Variants in AP4E1 observed in about 807,000 individuals in gnomAD.
AP4E1 encodes the protein adaptor related protein complex 4 subunit epsilon 1, also known as AP-4 complex subunit epsilon-1.
A neutral mutation model predicts 128.2 loss-of-function variants in AP4E1; 56 were observed. The ratio of observed to expected loss-of-function variants is 0.44; its 90% CI spans 0.35 to 0.55. The LOEUF is 0.55. Ranked by LOEUF, AP4E1 falls within the 20% of genes least tolerant of loss-of-function variation. The probability of loss-of-function intolerance (pLI) is 0.00; values close to 1 mark genes in which losing one functional copy is unlikely to be tolerated. For missense variants in AP4E1, 1,324 were observed against 1,307.7 expected (o/e 1.01, Z -0.19); for synonymous variants, 484 against 473.1 (o/e 1.02, Z -0.30).
chr15:50,970,442 G>A (rs1327718907), intron 15 of AP4E1, among the ~76,000 whole-genome samples: 1 of 152,122 alleles, frequency 6.6e-6, no homozygotes, highest in Non-Finnish European at 1.5e-5. Flanking sequence ...TAGATAATTC[G>A]TTCAATACTG....
Position 50,999,504 on chromosome 15 carries a change from G to T in AP4E1, c.3095+242G>T, listed in dbSNP as rs566375538. On this transcript the variant is annotated intron_variant, in intron 19 of 20. Coordinates refer to ENST00000261842, the MANE Select transcript of AP4E1 (RefSeq NM_007347.5). ...AAGTGTTACAATGAGGGATTATAAT[G>T]AGAGACCTGATTTAGGTTGGAGTTG... is the stretch of plus-strand genomic sequence containing the variant. Among the ~76,000 whole-genome samples the T allele has an allele frequency of 7.2e-5, 11 of 152,286 alleles. No individual in the cohort carries two copies. In the East Asian group the frequency reaches 2.1e-3, roughly 29 times the overall value.
chr15:50,918,302 T>C (rs2063653994), intron 3 of AP4E1, among the ~76,000 whole-genome samples: 2 of 152,142 alleles, frequency 1.3e-5, no homozygotes. Flanking sequence ...TGTTTAAATA[T>C]TGCATGGGTA....
In AP4E1 at chr15:50,995,483, C is replaced by T. The variant is rs188846846; in HGVS notation, c.2347-1843C>T. Among the ~76,000 whole-genome samples, 68 of 151,452 alleles carry T rather than the reference C, an allele frequency of 4.5e-4. 1 individual carries two copies. Among genetic ancestry groups the T allele is most frequent in the African/African-American group, 1.5e-3 (63 of 41,290 alleles). On this transcript the variant is annotated intron_variant, in intron 17 of 20. Coordinates refer to ENST00000261842, the MANE Select transcript of AP4E1 (RefSeq NM_007347.5). ...CATGATATTGGCTCACTGCAACCTC[C>T]GCCTCAATTCGCCTGTCTCAGTCTC... is the stretch of plus-strand genomic sequence containing the variant.
intron 15 of AP4E1, among the ~76,000 whole-genome samples, chr15:50,977,706 G>GTTTTTTTTTTGTTTTTTTTTTTT (rs2064572284): frequency 1.2e-5 from 1 of 80,296 alleles, no homozygotes. Flanking sequence ...ATCTGTTATG[G>GTTTTTTTTTTGTTTTTTTTTTTT]TTTTTTTTTT....
intron 3 of AP4E1, among the ~76,000 whole-genome samples, chr15:50,916,547 A>G (rs531379727): frequency 1.3e-5 from 2 of 152,374 alleles, no homozygotes; most frequent in Admixed American, 1.3e-4. Context: ...GAAGTTGATA[A>G]TGTCATGTCG....
chr15:50,921,068 G>A (rs1298933402), intron 3 of AP4E1, among the ~76,000 whole-genome samples: 2 of 152,202 alleles, frequency 1.3e-5, no homozygotes, highest in Non-Finnish European at 2.9e-5. Context: ...CTCCCAAAGT[G>A]CTGGGATTAC....
rs539923765 is a variant in AP4E1, at chr15:50,965,052, C to T, written c.1852-3211C>T. Among the ~76,000 whole-genome samples the T allele has an allele frequency of 1.3e-4, 20 of 151,582 alleles. 1 individual carries two copies. The South Asian group carries it at 4.2e-3, about 32-fold the overall frequency. ...GATGTGCTTGCTTCTGCTTTACCTT[C>T]CTCCATAAGTAAAAGCTTCTGAGGC... is the stretch of plus-strand genomic sequence containing the variant. On this transcript the variant is annotated intron_variant, in intron 14 of 20. Coordinates refer to ENST00000261842, the MANE Select transcript of AP4E1 (RefSeq NM_007347.5).
Position 50,949,869 on chromosome 15 carries a change from G to C in AP4E1, c.1360G>C (p.Val454Leu). ...ATGGTTTATTCAGACAATGAATGCT[G>C]TGTTTTCAGTAGGAGGAGATGTAAT... ...NAWFIQTMNA[V>L]FSVGGDVMHP... The change falls in exon 12 of 21, where the codon GTG becomes CTG. Residue 454 changes from valine (V) to leucine (L), a missense_variant. By Grantham distance (32) the Val-to-Leu change is conservative. Transcript: ENST00000261842. 1 of 1,613,828 alleles carries C rather than the reference G, an allele frequency of 6.2e-7. No individual in the cohort carries two copies. Among genetic ancestry groups the C allele is most frequent in the Non-Finnish European group, 8.5e-7 (1 of 1,179,836 alleles).
At chr15:50,917,401 A>G (rs1482384871) in intron 3 of AP4E1, among the ~76,000 whole-genome samples, 3 of 151,906 alleles carry the variant, frequency 2.0e-5, no homozygotes, top group Non-Finnish European at 2.9e-5. Flanking sequence ...CTGCTTCTCA[A>G]TTTCTTTGCT....
intron 13 of AP4E1, among the ~76,000 whole-genome samples, chr15:50,950,801 G>T (rs1229123517): frequency 6.6e-6 from 1 of 152,036 alleles, no homozygotes; most frequent in Non-Finnish European, 1.5e-5. Flanking sequence ...GCGCTGGTGT[G>T]TGTTGTTCCC....
chr15:50,977,709 T>TG (rs1567250748), intron 15 of AP4E1, among the ~76,000 whole-genome samples: 5 of 89,430 alleles, frequency 5.6e-5, no homozygotes, highest in African/African-American at 1.1e-4. Context: ...TGTTATGGTT[T>TG]TTTTTTTTTT....
intron 11 of AP4E1, among the ~76,000 whole-genome samples, chr15:50,948,694 C>G (rs1021839085): frequency 6.6e-6 from 1 of 152,100 alleles, no homozygotes; most frequent in African/African-American, 2.4e-5. Flanking sequence ...CTGTTTAGGC[C>G]GGGCACAGTG....
intron 16 of AP4E1, among the ~76,000 whole-genome samples, chr15:50,985,945 A>G (rs1037013034): frequency 1.3e-5 from 2 of 152,228 alleles, no homozygotes; most frequent in Admixed American, 1.3e-4. Flanking sequence ...ACCCATGAGC[A>G]TGGAATGTTC....
At chr15:50,925,329 T>G (rs2063755709) in intron 5 of AP4E1, 110 bp downstream of exon 5, 2 of 1,186,462 alleles carry the variant, frequency 1.7e-6, no homozygotes, top group African/African-American at 1.5e-5. Flanking sequence ...ATTATTTGAC[T>G]GCTAGGAATA....
intron 1 of AP4E1, among the ~76,000 whole-genome samples, chr15:50,910,592 A>G (rs917678938): frequency 6.6e-6 from 1 of 152,260 alleles, no homozygotes; most frequent in Non-Finnish European, 1.5e-5. Flanking sequence ...GGCAGCTCTA[A>G]TAAGTTGATG....
At chr15:50,978,002 C>A (rs1440247438) in intron 15 of AP4E1, among the ~76,000 whole-genome samples, 2 of 152,146 alleles carry the variant, frequency 1.3e-5, no homozygotes, top group Non-Finnish European at 2.9e-5. Context: ...AGCCACCATG[C>A]CAGCCTGTTC....
chr15:50,995,980 CTTTTTTTT>C (rs1199189475), intron 17 of AP4E1, among the ~76,000 whole-genome samples: 16 of 91,796 alleles, frequency 1.7e-4, no homozygotes, highest in African/African-American at 6.6e-4. Context: ...TAATATACAT[CTTTTTTTT>C]TTTTTTTTTT....
In AP4E1 at chr15:51,002,550, T is replaced by C; in HGVS notation, c.3302T>C (p.Leu1101Ser). The change falls in exon 21 of 21, where the codon TTA becomes TCA. Residue 1101 changes from leucine to serine, a missense_variant. Physicochemically the swap from Leu to Ser is moderately radical, Grantham distance 145. Coordinates refer to ENST00000261842, the MANE Select transcript of AP4E1 (RefSeq NM_007347.5). ...ACQLLPSIPC[L>S]LHCRVHADVL... The stretch of plus-strand genomic sequence containing the variant: ...CAGCTGCTCCCATCCATCCCCTGCT[T>C]ACTGCATTGCCGAGTTCATGCAGAT... The C allele has an allele frequency of 6.2e-7, 1 of 1,614,228 alleles. No homozygotes were observed. Among genetic ancestry groups the C allele is most frequent in the South Asian group, 1.1e-5 (1 of 91,088 alleles).
chr15:50,907,811 A>G (rs1445834371), upstream of AP4E1, among the ~76,000 whole-genome samples: 1 of 152,224 alleles, frequency 6.6e-6, no homozygotes, highest in Non-Finnish European at 1.5e-5. Context: ...AGCGACCCTG[A>G]GGTCACCAGA....
Sources: gnomAD v4.1 joint callset for allele counts (sites outside exome capture counted in the v4.1 genomes callset) on GRCh38, gnomAD v4.1.1 for gene constraint, MANE v1.5 for transcripts, NCBI Gene and HGNC (gene_info 2026-07-23, HGNC 2026-07-21) for gene names.